Variants in PRKN observed in about 807,000 individuals in gnomAD.
PRKN encodes parkin RBR E3 ubiquitin protein ligase.
In PRKN, 56 loss-of-function variants were observed where a neutral mutation model predicts 59.5. That is an observed-to-expected ratio of 0.94 (90% CI 0.76 to 1.18). The LOEUF (loss-of-function observed/expected upper bound fraction) is 1.18, where lower values mean the gene tolerates loss of function less well. Ranked by LOEUF, PRKN falls within the 50% of genes most tolerant of loss-of-function variation. PRKN has a pLI of 0.00. For missense variants in PRKN, 657 were observed against 596.4 expected (o/e 1.10, Z -1.06); for synonymous variants, 250 against 222.1 (o/e 1.13, Z -1.12).
chr6:161,764,841 C>T (rs113645179), intron 7 of PRKN, among the ~76,000 whole-genome samples: 3,376 of 152,176 alleles, frequency 0.022, 93 homozygotes, highest in African/African-American at 0.064. Context: ...GAATAGTATG[C>T]CAAGCAGTCT....
chr6:161,895,560 C>T (rs1777587188), intron 6 of PRKN, among the ~76,000 whole-genome samples: 1 of 122,094 alleles, frequency 8.2e-6, no homozygotes, highest in Admixed American at 8.6e-5. Flanking sequence ...CACGCCCACC[C>T]CACCTGCCGT....
intron 7 of PRKN, among the ~76,000 whole-genome samples, chr6:161,735,435 T>A (rs1266251795): frequency 1.3e-5 from 2 of 152,346 alleles, no homozygotes; most frequent in South Asian, 2.1e-4. Context: ...GATATTTATA[T>A]AATACAAATA....
Position 161,560,792 on chromosome 6 carries a change from T to A in PRKN, c.933+8563A>T, listed in dbSNP as rs1279903257. On this transcript the variant is annotated intron_variant, in intron 8 of 11. Transcript: ENST00000366898. The surrounding 1 kb of genome is among the most constrained non-coding windows in gnomAD (Gnocchi z 4.9). ...TAAATTCTTCAACTTCATCAAGACG[T>A]CTAATTAATTGGCCCCATATTTCCT... Among the ~76,000 whole-genome samples, 1 of 152,192 alleles carries A rather than the reference T, an allele frequency of 6.6e-6. No homozygotes were observed. The highest frequency in any genetic ancestry group is 1.5e-5 in the Non-Finnish European group (1 of 68,040).
chr6:162,036,640 C>T (rs1783861240), intron 5 of PRKN, among the ~76,000 whole-genome samples: 1 of 151,998 alleles, frequency 6.6e-6, no homozygotes, highest in Non-Finnish European at 1.5e-5. Flanking sequence ...CTGGGCCTCC[C>T]AAAGTGCTGG....
At chr6:161,350,657 T>A (rs1347057389) in intron 11 of PRKN, among the ~76,000 whole-genome samples, 2 of 95,012 alleles carry the variant, frequency 2.1e-5, no homozygotes, top group African/African-American at 9.1e-5. Flanking sequence ...ATATATATTT[T>A]TATATATTTA....
At chr6:161,403,173 T>G (rs771398466) in intron 9 of PRKN, among the ~76,000 whole-genome samples, 70 of 152,168 alleles carry the variant, frequency 4.6e-4, no homozygotes, top group Non-Finnish European at 7.1e-4. Flanking sequence ...TGGCACAGAC[T>G]GTTAGAACTG....
Position 162,674,167 on chromosome 6 carries a change from T to C in PRKN, c.7+53495A>G, listed in dbSNP as rs929688996. Reference sequence around the variant, plus strand: ...AAGATACCATTCAGTTCTTCCAAGCTGCATTTATTTCATAGATTCAATATT... The same window carrying C: ...AAGATACCATTCAGTTCTTCCAAGCCGCATTTATTTCATAGATTCAATATT... On this transcript the variant is annotated intron_variant, in intron 1 of 11. Transcript: ENST00000366898. Among the ~76,000 whole-genome samples, 7 of 152,352 alleles carry C rather than the reference T, an allele frequency of 4.6e-5. No individual in the cohort carries two copies. The South Asian group carries it at 1.2e-3, about 27-fold the overall frequency.
In PRKN at chr6:161,721,966, G is replaced by C. The variant is rs549661613; in HGVS notation, c.871+63806C>G. Reference sequence around the variant, plus strand: ...TAGAAAAAGACCTTAGAAGCACTTGGTTTGGAAGCTAATTTTTTCCACTCA... The same window carrying C: ...TAGAAAAAGACCTTAGAAGCACTTGCTTTGGAAGCTAATTTTTTCCACTCA... On this transcript the variant is annotated intron_variant, in intron 7 of 11. Coordinates refer to ENST00000366898, the MANE Select transcript of PRKN (RefSeq NM_004562.3). Among the ~76,000 whole-genome samples the C allele has an allele frequency of 2.0e-5, 3 of 152,264 alleles. No individual in the cohort carries two copies. The East Asian group carries it at 5.8e-4, about 29-fold the overall frequency.
At chr6:162,582,571 A>C (rs1014847376) in intron 1 of PRKN, among the ~76,000 whole-genome samples, 3 of 152,084 alleles carry the variant, frequency 2.0e-5, no homozygotes, top group African/African-American at 4.8e-5. Context: ...AATTTGCATG[A>C]TAATATCTGC....
chr6:162,508,439 G>A (rs73608433), intron 1 of PRKN, among the ~76,000 whole-genome samples: 2,589 of 152,212 alleles, frequency 0.017, 66 homozygotes, highest in African/African-American at 0.059. Flanking sequence ...AAATGAAAAC[G>A]CTGTAGTGTC....
intron 6 of PRKN, among the ~76,000 whole-genome samples, chr6:161,859,353 C>T (rs896398163): frequency 6.6e-6 from 1 of 151,826 alleles, no homozygotes; most frequent in African/African-American, 2.4e-5. Context: ...GCCTGTAATC[C>T]CAGCACTTTG....
intron 9 of PRKN, among the ~76,000 whole-genome samples, chr6:161,403,331 A>C (rs964798291): frequency 3.3e-5 from 5 of 152,156 alleles, no homozygotes; most frequent in African/African-American, 1.2e-4. Context: ...AAGCACAAAA[A>C]AGCCAGATTG....
intron 1 of PRKN, among the ~76,000 whole-genome samples, chr6:162,619,886 T>C (rs566671092): frequency 7.2e-5 from 11 of 152,304 alleles, no homozygotes; most frequent in Non-Finnish European, 1.2e-4. Context: ...TTCCATTTTA[T>C]ACATATTCTA....
chr6:162,372,983 T>G (rs1042216990), intron 2 of PRKN, among the ~76,000 whole-genome samples: 1 of 152,150 alleles, frequency 6.6e-6, no homozygotes, highest in South Asian at 2.1e-4. Flanking sequence ...TTTATGTGGA[T>G]GTAGACCATG....
chr6:161,815,860 T>G (rs1340513082), intron 6 of PRKN, among the ~76,000 whole-genome samples: 1 of 152,220 alleles, frequency 6.6e-6, no homozygotes, highest in Non-Finnish European at 1.5e-5. Context: ...CGGGTTCACC[T>G]GAAGCGTCTG....
At chr6:162,706,529 C>G (rs932139854) in intron 1 of PRKN, among the ~76,000 whole-genome samples, 9 of 152,160 alleles carry the variant, frequency 5.9e-5, no homozygotes, top group Admixed American at 5.2e-4. Flanking sequence ...TAAAAGCAAG[C>G]GCAGTGCAAA....
At chr6:162,576,390 CGCT>C (rs1562400819) in intron 1 of PRKN, among the ~76,000 whole-genome samples, 1 of 152,094 alleles carries the variant, frequency 6.6e-6, no homozygotes, top group Non-Finnish European at 1.5e-5. Context: ...ATGAAATCAA[CGCT>C]GCATTACCAC....
At chr6:162,435,106 C>T (rs1190911709) in intron 2 of PRKN, among the ~76,000 whole-genome samples, 1 of 152,104 alleles carries the variant, frequency 6.6e-6, no homozygotes, top group Admixed American at 6.6e-5. Context: ...CTTCAGTGAA[C>T]AGTAACACAG....
At chr6:162,723,928 G>T (rs529743955) in intron 1 of PRKN, among the ~76,000 whole-genome samples, 34 of 152,294 alleles carry the variant, frequency 2.2e-4, no homozygotes, top group Non-Finnish European at 4.4e-4. Context: ...AGGTATAGAA[G>T]AGACTATGTT....
Sources: gnomAD v4.1 joint callset for allele counts (sites outside exome capture counted in the v4.1 genomes callset) on GRCh38, gnomAD v4.1.1 for gene constraint, Gnocchi (gnomAD v3.1) non-coding constraint, MANE v1.5 for transcripts, NCBI Gene and HGNC (gene_info 2026-07-23, HGNC 2026-07-21) for gene names.